Variants in CADPS observed in about 807,000 individuals in gnomAD.
The protein encoded by CADPS is calcium-dependent secretion activator 1.
CADPS carries 57 observed loss-of-function variants against 167.3 expected under a neutral mutation model. The observed-to-expected ratio is 0.34, with a 90% CI of 0.28 to 0.42. The LOEUF (loss-of-function observed/expected upper bound fraction) is 0.42. Ranked by LOEUF, CADPS falls within the 20% of genes least tolerant of loss-of-function variation. The pLI, the probability that CADPS is intolerant of heterozygous loss-of-function variation, is 1.00. For missense variants in CADPS, 1,414 were observed against 1,738.1 expected, an observed-to-expected ratio of 0.81 and a Z score of 3.32; for synonymous variants, 676 against 635.3, an observed-to-expected ratio of 1.06 and a Z score of -0.96.
intron 3 of CADPS, among the ~76,000 whole-genome samples, chr3:62,696,650 G>C (rs1385505984): frequency 6.6e-6 from 1 of 152,070 alleles, no homozygotes; most frequent in African/African-American, 2.4e-5. Flanking sequence ...ATATCTTAAA[G>C]TTATCCTTTT....
intron 3 of CADPS, among the ~76,000 whole-genome samples, chr3:62,670,350 G>A (rs936795044): frequency 6.6e-6 from 1 of 152,136 alleles, no homozygotes; most frequent in Admixed American, 6.5e-5. Flanking sequence ...CTCCCATGCA[G>A]TCAATTACAT....
intron 1 of CADPS, among the ~76,000 whole-genome samples, chr3:62,853,314 T>C (rs1295774726): frequency 1.3e-5 from 2 of 152,120 alleles, no homozygotes; most frequent in Non-Finnish European, 2.9e-5. Flanking sequence ...GTCAAGAATA[T>C]AGTGATATTC....
At chr3:62,639,518 C>T (rs2066991142) in intron 6 of CADPS, among the ~76,000 whole-genome samples, 1 of 152,154 alleles carries the variant, frequency 6.6e-6, no homozygotes. Context: ...CAACTCTCCT[C>T]CATGGGTGCA....
At chr3:62,605,736 G>A (rs1368017886) in intron 6 of CADPS, among the ~76,000 whole-genome samples, 3 of 152,120 alleles carry the variant, frequency 2.0e-5, no homozygotes, top group African/African-American at 7.2e-5. Flanking sequence ...GCTTTCTTTT[G>A]TGAGGTGAGG....
At chr3:62,467,333 T>A (rs1553774824) in intron 24 of CADPS, 1 of 1,249,054 alleles carries the variant, frequency 8.0e-7, no homozygotes, top group Non-Finnish European at 1.0e-6. Context: ...GATGATTAAT[T>A]AGGAACAGAA....
intron 3 of CADPS, among the ~76,000 whole-genome samples, chr3:62,680,642 T>G (rs2077015524): frequency 2.0e-5 from 3 of 152,118 alleles, no homozygotes; most frequent in South Asian, 4.2e-4. Flanking sequence ...TCTCCCTCCC[T>G]CCTCTCTATC....
At chr3:62,793,758 C>T (rs934163435) in intron 1 of CADPS, among the ~76,000 whole-genome samples, 6 of 152,108 alleles carry the variant, frequency 3.9e-5, no homozygotes, top group Non-Finnish European at 7.4e-5. Context: ...TGTGTGTGTG[C>T]GCACGTGCGT....
intron 19 of CADPS, 97 bp downstream of exon 19, chr3:62,493,548 C>T: frequency 1.1e-6 from 1 of 901,590 alleles, no homozygotes; most frequent in Non-Finnish European, 1.7e-6. Flanking sequence ...CCAAGCTCTT[C>T]TGTGATCTAT....
At chr3:62,728,568 G>A (rs2077172336) in intron 3 of CADPS, among the ~76,000 whole-genome samples, 1 of 151,798 alleles carries the variant, frequency 6.6e-6, no homozygotes, top group South Asian at 2.1e-4. Context: ...TTGAAAACTA[G>A]AGCTGGAGCT....
chr3:62,492,519 C>A, intron 19 of CADPS, 73 bp from the exon 20 acceptor site: 1 of 1,427,450 alleles, frequency 7.0e-7, no homozygotes, highest in South Asian at 1.2e-5. Context: ...ACGTGAATTC[C>A]AGCCCTCACT....
chr3:62,492,010 ATT>A (rs1368389467), intron 20 of CADPS, among the ~76,000 whole-genome samples: 1 of 152,182 alleles, frequency 6.6e-6, no homozygotes, highest in Non-Finnish European at 1.5e-5. Context: ...AGGTTAATTA[ATT>A]TGAGAGACAA....
At chr3:62,824,683 C>CT (rs199638693) in intron 1 of CADPS, among the ~76,000 whole-genome samples, 6 of 152,132 alleles carry the variant, frequency 3.9e-5, no homozygotes, top group African/African-American at 1.2e-4. Context: ...CATATCACCA[C>CT]TTTTTAAAAA....
intron 1 of CADPS, among the ~76,000 whole-genome samples, chr3:62,808,302 C>T (rs2152848039): frequency 6.6e-6 from 1 of 152,140 alleles, no homozygotes; most frequent in East Asian, 1.9e-4. Context: ...TTGAGTCTGA[C>T]TCTCCAGAAA....
At chr3:62,502,678 A>G (rs1433353141) in intron 17 of CADPS, among the ~76,000 whole-genome samples, 1 of 152,184 alleles carries the variant, frequency 6.6e-6, no homozygotes, top group Non-Finnish European at 1.5e-5. Flanking sequence ...TCAAGAAGAA[A>G]GGTGAACAGA....
intron 8 of CADPS, 105 bp downstream of exon 8, chr3:62,585,080 T>G: frequency 9.4e-7 from 1 of 1,063,488 alleles, no homozygotes; most frequent in Admixed American, 2.3e-5. Flanking sequence ...TTCTTTATAT[T>G]TCCTTCTACA....
At chr3:62,498,636 T>C (rs1031813619) in intron 18 of CADPS, among the ~76,000 whole-genome samples, 2 of 152,022 alleles carry the variant, frequency 1.3e-5, no homozygotes, top group African/African-American at 4.8e-5. Context: ...TAGATGTATG[T>C]TGGAGAATCG....
chr3:62,472,155 T>A (rs968274685), intron 24 of CADPS, among the ~76,000 whole-genome samples: 15 of 152,134 alleles, frequency 9.9e-5, no homozygotes, highest in Admixed American at 7.9e-4. Flanking sequence ...AATAGTTAAA[T>A]CCTTAGAGAT....
intron 1 of CADPS, among the ~76,000 whole-genome samples, chr3:62,845,894 C>T (rs2077345580): frequency 6.6e-6 from 1 of 152,040 alleles, no homozygotes; most frequent in African/African-American, 2.4e-5. Flanking sequence ...CACTCTGTGT[C>T]CCCACCTAAA....
chr3:62,550,000 C>T lies in CADPS; in HGVS notation c.1869G>A (p.Thr623=), dbSNP rs749897605. Reference sequence around the variant, plus strand: ...GGGGCACAGGCTTGTGTGACTGCCCCGTGGCCCGATACATGGCCTGGACCC... The same window carrying T: ...GGGGCACAGGCTTGTGTGACTGCCCTGTGGCCCGATACATGGCCTGGACCC... ...ILWVQAMYRA[T]GQSHKPVPPT... The change falls in exon 11 of 30, where the codon ACG becomes ACA. Residue 623 remains threonine (T), a synonymous_variant. Coordinates refer to ENST00000383710, the MANE Select transcript of CADPS (RefSeq NM_003716.4). 3.7e-5 allele frequency: 60 copies of T among 1,613,922 alleles called. No individual in the cohort carries two copies. Among genetic ancestry groups the T allele is most frequent in the South Asian group, 3.0e-4 (27 of 91,074 alleles).
Sources: gnomAD v4.1 joint callset for allele counts (sites outside exome capture counted in the v4.1 genomes callset) on GRCh38, gnomAD v4.1.1 for gene constraint, MANE v1.5 for transcripts, NCBI Gene and HGNC (gene_info 2026-07-23, HGNC 2026-07-21) for gene names.